The following UST variants were observed in gnomAD, a reference collection of about 807,000 sequenced individuals.
The protein encoded by UST is chondroitin sulfate 2-O-sulfotransferase.
In UST, 21 loss-of-function variants were observed where a neutral mutation model predicts 45.6. The observed-to-expected ratio is 0.46, with a 90% CI of 0.33 to 0.66. UST has a LOEUF of 0.66. Ranked by LOEUF, UST falls within the 30% of genes least tolerant of loss-of-function variation. The pLI is 0.02. For synonymous variants in UST, 215 were observed against 200.6 expected, an observed-to-expected ratio of 1.07 and a Z score of -0.61; for missense variants, 463 against 512.4, an observed-to-expected ratio of 0.90 and a Z score of 0.93.
At chr6:148,883,663 C>T (rs1302112100) in intron 1 of UST, among the ~76,000 whole-genome samples, 1 of 152,126 alleles carries the variant, frequency 6.6e-6, no homozygotes, top group Non-Finnish European at 1.5e-5. Context: ...TCTTCATTTA[C>T]ACAAAAAGAG....
At chr6:148,858,865 A>G (rs1458310808) in intron 1 of UST, among the ~76,000 whole-genome samples, 1 of 152,202 alleles carries the variant, frequency 6.6e-6, no homozygotes, top group African/African-American at 2.4e-5. Context: ...TCCATGGTGT[A>G]TATGTGCCAC....
chr6:148,783,296 A>C (rs1273195605), intron 1 of UST, among the ~76,000 whole-genome samples: 1 of 152,198 alleles, frequency 6.6e-6, no homozygotes, highest in Non-Finnish European at 1.5e-5. Flanking sequence ...TAACTAAAAA[A>C]CTCACTATAT....
chr6:148,828,230 ATTATTTATTTAT>A (rs10699115), intron 1 of UST, among the ~76,000 whole-genome samples: 114 of 148,712 alleles, frequency 7.7e-4, no homozygotes, highest in African/African-American at 2.6e-3. Flanking sequence ...GTTAGTCTAT[ATTATTTATTTAT>A]TTATTTATTT....
chr6:148,750,248 C>A (rs1162859624), intron 1 of UST, among the ~76,000 whole-genome samples: 1 of 152,216 alleles, frequency 6.6e-6, no homozygotes, highest in Non-Finnish European at 1.5e-5. Context: ...GTCTGACACA[C>A]AATGGCCACT....
chr6:148,983,704 A>G (rs1373402848), intron 5 of UST, among the ~76,000 whole-genome samples: 2 of 152,248 alleles, frequency 1.3e-5, no homozygotes, highest in South Asian at 2.1e-4. Context: ...GTCTGAAAAG[A>G]GCGTATGTTA....
At chr6:148,858,013 G>A (rs971952053) in intron 1 of UST, among the ~76,000 whole-genome samples, 7 of 152,154 alleles carry the variant, frequency 4.6e-5, no homozygotes. Flanking sequence ...CAACATTATA[G>A]AATATATTGT....
intron 7 of UST, among the ~76,000 whole-genome samples, chr6:149,062,736 A>G (rs1274319558): frequency 5.3e-5 from 8 of 152,232 alleles, no homozygotes. Context: ...CAGAAAGCCC[A>G]CTTTCCAGTG....
intron 1 of UST, among the ~76,000 whole-genome samples, chr6:148,800,116 CAG>C (rs1490003771): frequency 6.6e-6 from 1 of 152,120 alleles, no homozygotes; most frequent in Admixed American, 6.5e-5. Context: ...ATTTTATGAA[CAG>C]AGTCTAATAA....
intron 7 of UST, among the ~76,000 whole-genome samples, chr6:149,037,943 G>A (rs1194209903): frequency 1.3e-5 from 2 of 152,094 alleles, no homozygotes; most frequent in African/African-American, 4.8e-5. Flanking sequence ...AAGGCATCTG[G>A]GGCCTCCGAG....
intron 1 of UST, among the ~76,000 whole-genome samples, chr6:148,858,832 C>A (rs1310082558): frequency 6.6e-6 from 1 of 152,106 alleles, no homozygotes; most frequent in African/African-American, 2.4e-5. Context: ...TGAACTCATC[C>A]TTTTTTTATG....
At chr6:148,879,498 C>A (rs1778783776) in intron 1 of UST, among the ~76,000 whole-genome samples, 1 of 152,182 alleles carries the variant, frequency 6.6e-6, no homozygotes, top group Non-Finnish European at 1.5e-5. Context: ...TTTAAAAATA[C>A]CAAATACCAT....
chr6:148,759,058 C>T (rs1776152637), intron 1 of UST, among the ~76,000 whole-genome samples: 1 of 152,236 alleles, frequency 6.6e-6, no homozygotes, highest in South Asian at 2.1e-4. Flanking sequence ...GTCATGTGAG[C>T]CTCCAAGGCT....
At chr6:148,754,127 TGGGACTACAGGC>T (rs1776044713) in intron 1 of UST, among the ~76,000 whole-genome samples, 1 of 151,910 alleles carries the variant, frequency 6.6e-6, no homozygotes. Context: ...CCCAAGTAGC[TGGGACTACAGGC>T]GGCCGCCACC....
intron 3 of UST, among the ~76,000 whole-genome samples, chr6:148,951,568 T>C (rs953902637): frequency 6.6e-6 from 1 of 152,138 alleles, no homozygotes; most frequent in East Asian, 1.9e-4. Flanking sequence ...TGTCACCCCC[T>C]GATGCCTCTC....
chr6:148,828,604 C>T (rs997587383), intron 1 of UST, among the ~76,000 whole-genome samples: 1 of 152,282 alleles, frequency 6.6e-6, no homozygotes, highest in East Asian at 1.9e-4. Context: ...GGTTACTTGG[C>T]ACCACTTGGT....
chr6:148,984,195 G>A (rs1027147956), intron 5 of UST, among the ~76,000 whole-genome samples: 2 of 152,206 alleles, frequency 1.3e-5, no homozygotes, highest in African/African-American at 4.8e-5. Context: ...TCTGTAGCCA[G>A]CCCTTTAGCA....
At chr6:148,912,845 C>T (rs1779502313) in intron 2 of UST, among the ~76,000 whole-genome samples, 1 of 152,044 alleles carries the variant, frequency 6.6e-6, no homozygotes, top group Non-Finnish European at 1.5e-5. Flanking sequence ...ATGAACTGTC[C>T]CCTGTGAAGT....
At chr6:148,836,649 A>C (rs573850023) in intron 1 of UST, among the ~76,000 whole-genome samples, 1 of 152,178 alleles carries the variant, frequency 6.6e-6, no homozygotes, top group South Asian at 2.1e-4. Context: ...ACATTTTCTA[A>C]TTGTTCCTAG....
chr6:148,852,092 A>T (rs775209704), intron 1 of UST, among the ~76,000 whole-genome samples: 8 of 152,200 alleles, frequency 5.3e-5, no homozygotes, highest in Admixed American at 2.0e-4. Flanking sequence ...ATGCTCTTTC[A>T]TCTCTGTCCA....
Sources: allele counts gnomAD v4.1 joint callset (sites outside exome capture counted in the v4.1 genomes callset), GRCh38; gene constraint gnomAD v4.1.1; transcripts MANE v1.5; gene names NCBI Gene and HGNC (gene_info 2026-07-23, HGNC 2026-07-21).